Variants in ESR1 observed in about 807,000 individuals in gnomAD.
The protein encoded by ESR1 is estrogen receptor 1.
In ESR1, 12 loss-of-function variants were observed where a neutral mutation model predicts 52.7. The observed-to-expected ratio is 0.23, with a 90% CI of 0.15 to 0.37. The LOEUF is 0.37. ESR1 is among the 10% of genes least tolerant of loss of function. The pLI is 1.00. For synonymous variants in ESR1, 305 were observed against 316.8 expected (o/e 0.96, Z 0.39); for missense variants, 584 against 779.7 (o/e 0.75, Z 2.99).
intron 2 of ESR1, among the ~76,000 whole-genome samples, chr6:151,736,260 A>C (rs1782646403): frequency 8.8e-6 from 1 of 113,256 alleles, no homozygotes; most frequent in Non-Finnish European, 2.1e-5. Flanking sequence ...ACTCTAAGTT[A>C]CATGTAATAA....
At chr6:152,087,836 T>C (rs1362437711) in intron 6 of ESR1, among the ~76,000 whole-genome samples, 3 of 152,230 alleles carry the variant, frequency 2.0e-5, no homozygotes, top group African/African-American at 7.2e-5. Context: ...TGGCTGTTAA[T>C]GGAGAGTGTT....
chr6:151,759,075 G>A (rs1300596050), intron 2 of ESR1, among the ~76,000 whole-genome samples: 1 of 151,954 alleles, frequency 6.6e-6, no homozygotes, highest in East Asian at 1.9e-4. Context: ...AAGAGATCAA[G>A]ACAATCCTGG....
chr6:151,850,092 A>ATT (rs1437004141), intron 2 of ESR1, among the ~76,000 whole-genome samples: 763 of 14,668 alleles, frequency 0.052, 69 homozygotes, highest in African/African-American at 0.14. Context: ...ATATATATAT[A>ATT]ATTTTATATA....
At chr6:152,090,607 A>G (rs1443669859) in intron 6 of ESR1, among the ~76,000 whole-genome samples, 2 of 152,214 alleles carry the variant, frequency 1.3e-5, no homozygotes, top group African/African-American at 4.8e-5. Flanking sequence ...AGTGTACAGC[A>G]CAGCTCCTCC....
At chr6:151,825,356 G>A (rs141844309) in intron 1 of ESR1, among the ~76,000 whole-genome samples, 258 of 152,282 alleles carry the variant, frequency 1.7e-3, no homozygotes, top group African/African-American at 6.1e-3. Flanking sequence ...GAGCTATGGT[G>A]TGAACAAAAG....
intron 3 of ESR1, among the ~76,000 whole-genome samples, chr6:151,932,010 T>C (rs2033690886): frequency 6.7e-6 from 1 of 149,386 alleles, no homozygotes; most frequent in South Asian, 2.1e-4. Context: ...TAGTTCTAGA[T>C]CCCTGAGGAA....
chr6:152,076,874 T>A (rs530853122), intron 6 of ESR1, among the ~76,000 whole-genome samples: 13 of 152,298 alleles, frequency 8.5e-5, no homozygotes, highest in African/African-American at 3.1e-4. Context: ...AAAACCATTC[T>A]GTTTTAAAAG....
At chr6:151,971,983 T>C (rs943429253) in intron 4 of ESR1, among the ~76,000 whole-genome samples, 6 of 151,900 alleles carry the variant, frequency 3.9e-5, no homozygotes, top group Admixed American at 1.3e-4. Context: ...TTATAATCAA[T>C]ACCACAGAAA....
At chr6:151,925,044 C>G (rs1175208027) in intron 3 of ESR1, among the ~76,000 whole-genome samples, 1 of 152,092 alleles carries the variant, frequency 6.6e-6, no homozygotes, top group African/African-American at 2.4e-5. Context: ...ACACTGCTTT[C>G]CACAATGGGT....
At chr6:152,023,948 G>T (rs1275373216) in intron 5 of ESR1, among the ~76,000 whole-genome samples, 1 of 152,146 alleles carries the variant, frequency 6.6e-6, no homozygotes, top group African/African-American at 2.4e-5. Flanking sequence ...ATATGTTGGG[G>T]TCATAGAAAG....
chr6:151,763,504 C>T (rs771850967), intron 2 of ESR1, among the ~76,000 whole-genome samples: 3 of 152,106 alleles, frequency 2.0e-5, no homozygotes, highest in Non-Finnish European at 4.4e-5. Context: ...TACATATGTG[C>T]GTCTTTTTTT....
intron 1 of ESR1, among the ~76,000 whole-genome samples, chr6:151,678,654 C>T (rs1445504636): frequency 6.6e-6 from 1 of 151,042 alleles, no homozygotes; most frequent in East Asian, 1.9e-4. Flanking sequence ...AGCCTAGGAT[C>T]AGACACCTGT....
chr6:151,818,984 T>C (rs1780122782), intron 1 of ESR1, among the ~76,000 whole-genome samples: 1 of 152,210 alleles, frequency 6.6e-6, no homozygotes, highest in South Asian at 2.1e-4. Context: ...TTGGTTCCAA[T>C]CAGTCTCCTA....
chr6:151,778,545 A>G (rs559347107), intron 2 of ESR1, among the ~76,000 whole-genome samples: 1 of 151,988 alleles, frequency 6.6e-6, no homozygotes, highest in African/African-American at 2.4e-5. Flanking sequence ...AGCTGGGATT[A>G]CAGGTGTGTG....
At chr6:151,736,020 C>T (rs1782628269) in intron 2 of ESR1, among the ~76,000 whole-genome samples, 1 of 152,160 alleles carries the variant, frequency 6.6e-6, no homozygotes, top group Non-Finnish European at 1.5e-5. Flanking sequence ...TTCCTGAGGC[C>T]ACCCCAGCCA....
At chr6:151,937,849 T>A (rs182819946) in intron 3 of ESR1, among the ~76,000 whole-genome samples, 1 of 152,354 alleles carries the variant, frequency 6.6e-6, no homozygotes, top group Admixed American at 6.5e-5. Flanking sequence ...CTGCCCGTGG[T>A]ATGACCTTGA....
intron 6 of ESR1, among the ~76,000 whole-genome samples, chr6:152,090,477 T>A (rs1418987847): frequency 2.6e-5 from 4 of 152,196 alleles, no homozygotes; most frequent in African/African-American, 7.2e-5. Context: ...GGCATCAGCA[T>A]CTCTTACTTC....
chr6:151,954,142 A>G (rs958953874), intron 4 of ESR1, among the ~76,000 whole-genome samples: 1 of 152,128 alleles, frequency 6.6e-6, no homozygotes, highest in Non-Finnish European at 1.5e-5. Context: ...TTGATTGGGA[A>G]CCCCTAGTTC....
At chr6:151,806,906 T>C (rs1291826345), upstream of ESR1, among the ~76,000 whole-genome samples, 2 of 152,118 alleles carry the variant, frequency 1.3e-5, no homozygotes, top group African/African-American at 4.8e-5. Context: ...ACCAAAGGTT[T>C]TTCTGAATCA....
Sources: allele counts gnomAD v4.1 joint callset (sites outside exome capture counted in the v4.1 genomes callset), GRCh38; gene constraint gnomAD v4.1.1; transcripts MANE v1.5; gene names NCBI Gene and HGNC (gene_info 2026-07-23, HGNC 2026-07-21).